The following PLCXD3 variants were observed in gnomAD, a reference collection of about 807,000 sequenced individuals.
The protein encoded by PLCXD3 is PI-PLC X domain-containing protein 3.
PLCXD3 carries 19 observed loss-of-function variants against 25.5 expected under a neutral mutation model. That is an observed-to-expected ratio of 0.75 (90% CI 0.52 to 1.09). The LOEUF (loss-of-function observed/expected upper bound fraction) is 1.09, where lower values mean the gene tolerates loss of function less well. Ranked by LOEUF, PLCXD3 falls within the 50% of genes least tolerant of loss-of-function variation. The pLI is 0.00. For missense variants in PLCXD3, 411 were observed against 388.1 expected (o/e 1.06, Z -0.50); for synonymous variants, 174 against 137.6 (o/e 1.26, Z -1.85).
rs575021725 is a variant in PLCXD3 at position 41,335,094 on chromosome 5, G to T, written c.813-21324C>A. Among the ~76,000 whole-genome samples the T allele has an allele frequency of 1.3e-5, 2 of 152,082 alleles. 1 individual carries two copies. The highest frequency in any genetic ancestry group is 4.1e-4 in the South Asian group (2 of 4,830). On this transcript the variant is annotated intron_variant, in intron 2 of 2. Transcript: ENST00000377801. ...GTTCTCACTTCACAGTTTCTTCCTC[G>T]GCACAAGTAGCCCCTCACTCAGTGC...
intron 1 of PLCXD3, among the ~76,000 whole-genome samples, chr5:41,479,354 G>A (rs1748346657): frequency 6.6e-6 from 1 of 152,148 alleles, no homozygotes; most frequent in Non-Finnish European, 1.5e-5. Flanking sequence ...AGGAGTTAGT[G>A]TTTGATTGGT....
At chr5:41,442,273 T>C (rs1747402706) in intron 1 of PLCXD3, among the ~76,000 whole-genome samples, 1 of 152,034 alleles carries the variant, frequency 6.6e-6, no homozygotes. Context: ...AAACACAAAG[T>C]ATGCACATGT....
intron 2 of PLCXD3, among the ~76,000 whole-genome samples, chr5:41,326,209 T>A (rs193191537): frequency 1.3e-5 from 2 of 152,312 alleles, no homozygotes; most frequent in Admixed American, 1.3e-4. Flanking sequence ...AAAGATGTAT[T>A]GTGCATCAGT....
chr5:41,501,447 A>G (rs775376831), intron 1 of PLCXD3, among the ~76,000 whole-genome samples: 14 of 152,136 alleles, frequency 9.2e-5, no homozygotes, highest in Non-Finnish European at 1.8e-4. Context: ...ACAAAAGGAC[A>G]AATACTGCAT....
chr5:41,447,867 C>T (rs1169500220), intron 1 of PLCXD3, among the ~76,000 whole-genome samples: 2 of 152,246 alleles, frequency 1.3e-5, no homozygotes, highest in Non-Finnish European at 2.9e-5. Flanking sequence ...AGGCCATTAA[C>T]TTGCCATCAT....
chr5:41,386,159 T>A (rs531112165), intron 1 of PLCXD3, among the ~76,000 whole-genome samples: 2 of 152,246 alleles, frequency 1.3e-5, no homozygotes, highest in African/African-American at 4.8e-5. Context: ...GGAGTTGGAA[T>A]TTCAAAGAAG....
chr5:41,367,108 A>G (rs556143091), intron 2 of PLCXD3, among the ~76,000 whole-genome samples: 8 of 152,294 alleles, frequency 5.3e-5, no homozygotes, highest in East Asian at 1.9e-4. Context: ...ATACACATGC[A>G]TGGATCTTTA....
chr5:41,389,253 C>T (rs1030641763), intron 1 of PLCXD3, among the ~76,000 whole-genome samples: 7 of 152,088 alleles, frequency 4.6e-5, no homozygotes, highest in Non-Finnish European at 1.0e-4. Flanking sequence ...CTCAGTGCTT[C>T]TCCCCATGTT....
intron 2 of PLCXD3, among the ~76,000 whole-genome samples, chr5:41,377,554 G>A (rs1745332567): frequency 6.6e-6 from 1 of 151,950 alleles, no homozygotes; most frequent in Admixed American, 6.6e-5. Context: ...AATTGCATGG[G>A]GGTGAGGTGC....
In PLCXD3 at chr5:41,491,704, CT is replaced by C. The variant is rs1049587637; in HGVS notation, c.103+18719del. Among the ~76,000 whole-genome samples, 48 of 151,982 alleles carry C rather than the reference CT, an allele frequency of 3.2e-4. 1 individual carries two copies. Among genetic ancestry groups the C allele is most frequent in the African/African-American group, 1.1e-3 (47 of 41,470 alleles). On this transcript the variant is annotated intron_variant, in intron 1 of 2. Transcript: ENST00000377801. ...CATTATGTAATGTCCTTCTTTGTCT[CT>C]TTTGATCTTTGTTGGTTTAAAGTCT... is the stretch of plus-strand genomic sequence containing the variant.
intron 1 of PLCXD3, among the ~76,000 whole-genome samples, chr5:41,422,313 T>C (rs1168668948): frequency 6.6e-6 from 1 of 152,184 alleles, no homozygotes; most frequent in Non-Finnish European, 1.5e-5. Flanking sequence ...AGGAGCATAA[T>C]GTGGAGGTAA....
At chr5:41,400,273 G>C (rs1046739540) in intron 1 of PLCXD3, among the ~76,000 whole-genome samples, 1 of 152,088 alleles carries the variant, frequency 6.6e-6, no homozygotes, top group African/African-American at 2.4e-5. Flanking sequence ...ATGGAGAACA[G>C]TTTGGAGGTT....
intron 2 of PLCXD3, among the ~76,000 whole-genome samples, chr5:41,334,263 G>A (rs1743916724): frequency 6.7e-6 from 1 of 150,032 alleles, no homozygotes; most frequent in Non-Finnish European, 1.5e-5. Flanking sequence ...ATACTTTGGG[G>A]TTACTACAAG....
intron 1 of PLCXD3, among the ~76,000 whole-genome samples, chr5:41,492,246 A>C (rs1311226512): frequency 4.6e-5 from 7 of 152,212 alleles, no homozygotes; most frequent in Non-Finnish European, 7.3e-5. Flanking sequence ...TTTCTTTAAG[A>C]ATGTTGAATA....
intron 1 of PLCXD3, among the ~76,000 whole-genome samples, chr5:41,505,731 T>C (rs1243606448): frequency 1.3e-5 from 2 of 152,234 alleles, no homozygotes; most frequent in African/African-American, 2.4e-5. Flanking sequence ...AGGTTTTACA[T>C]TTATCACAGT....
At chr5:41,441,682 T>A (rs1747388531) in intron 1 of PLCXD3, among the ~76,000 whole-genome samples, 1 of 152,234 alleles carries the variant, frequency 6.6e-6, no homozygotes, top group African/African-American at 2.4e-5. Flanking sequence ...TCACTGCATG[T>A]CTTACATGTG....
chr5:41,365,839 AT>A (rs1265976010), intron 2 of PLCXD3, among the ~76,000 whole-genome samples: 1 of 152,088 alleles, frequency 6.6e-6, no homozygotes, highest in Non-Finnish European at 1.5e-5. Flanking sequence ...CACTTGAAAT[AT>A]CTCAAGCGGA....
intron 2 of PLCXD3, among the ~76,000 whole-genome samples, chr5:41,326,627 G>A (rs1230765557): frequency 1.3e-5 from 2 of 151,692 alleles, no homozygotes; most frequent in African/African-American, 4.8e-5. Flanking sequence ...ACCCTTCTTG[G>A]CCAATTGCTC....
intron 2 of PLCXD3, among the ~76,000 whole-genome samples, chr5:41,336,493 G>A (rs1438868689): frequency 6.6e-6 from 1 of 152,056 alleles, no homozygotes; most frequent in African/African-American, 2.4e-5. Flanking sequence ...TTCTAGTTCT[G>A]AGTGACTTCA....
Sources: gnomAD v4.1 joint callset for allele counts (sites outside exome capture counted in the v4.1 genomes callset) on GRCh38, gnomAD v4.1.1 for gene constraint, MANE v1.5 for transcripts, NCBI Gene and HGNC (gene_info 2026-07-23, HGNC 2026-07-21) for gene names.